The following ITGA6 variants were observed in gnomAD, a reference collection of about 807,000 sequenced individuals.
ITGA6 encodes the protein integrin alpha-6.
Under a neutral mutation model 133.6 loss-of-function variants are expected in ITGA6, and 63 were observed. The observed-to-expected ratio is 0.47, with a 90% CI of 0.38 to 0.58. The LOEUF (loss-of-function observed/expected upper bound fraction) is 0.58. Ranked by LOEUF, ITGA6 falls within the 20% of genes least tolerant of loss-of-function variation. ITGA6 has a pLI of 0.00. For missense variants in ITGA6, 1,068 were observed against 1,309.4 expected, an observed-to-expected ratio of 0.82 and a Z score of 2.85; for synonymous variants, 434 against 482.0, an observed-to-expected ratio of 0.90 and a Z score of 1.30.
chr2:172,505,140 G>C lies in ITGA6; in HGVS notation c.*1072G>C, dbSNP rs764370021. 2.0e-5 allele frequency: 3 copies of C among 152,530 alleles called. No homozygotes were observed. Among genetic ancestry groups the C allele is most frequent in the African/African-American group, 7.2e-5 (3 of 41,420 alleles). 9.4% of individuals were successfully genotyped at this position (152,530 alleles called of 1,614,324 possible). ...ACAGCCTCCACCCCACAACCCAAAAGGTTTAAGAAATAGAATTATAACTGT... is the reference window on the plus strand; with the variant it reads ...ACAGCCTCCACCCCACAACCCAAAACGTTTAAGAAATAGAATTATAACTGT... On this transcript the variant is annotated 3_prime_UTR_variant, in exon 26 of 26. Coordinates refer to ENST00000684293, the MANE Select transcript of ITGA6 (RefSeq NM_000210.4).
At chr2:172,443,243 T>G (rs1038800587) in intron 1 of ITGA6, among the ~76,000 whole-genome samples, 1 of 152,234 alleles carries the variant, frequency 6.6e-6, no homozygotes, top group African/African-American at 2.4e-5. Flanking sequence ...CTGTTCAATC[T>G]TGTAAATAAA....
intron 1 of ITGA6, among the ~76,000 whole-genome samples, chr2:172,454,810 G>A (rs567688397): frequency 6.6e-6 from 1 of 152,326 alleles, no homozygotes; most frequent in South Asian, 2.1e-4. Context: ...TAATGTGGAA[G>A]AGGGAGACTT....
intron 1 of ITGA6, among the ~76,000 whole-genome samples, chr2:172,441,129 A>G (rs543622921): frequency 4.6e-5 from 7 of 152,232 alleles, no homozygotes; most frequent in African/African-American, 1.7e-4. Flanking sequence ...GGTAATGACT[A>G]ATTTCTCCGT....
At chr2:172,427,432 G>A (rs960980792), upstream of ITGA6, 46 of 1,035,188 alleles carry the variant, frequency 4.4e-5, no homozygotes, top group Non-Finnish European at 5.2e-5. Context: ...CGTGGCTTCC[G>A]GGCAGGTACC....
chr2:172,428,722 A>C (rs1683984520), intron 1 of ITGA6: 1 of 152,086 alleles, frequency 6.6e-6, no homozygotes, highest in African/African-American at 2.4e-5. Flanking sequence ...GGTTAAAGCA[A>C]AATGTCCGAT....
chr2:172,428,890 G>A (rs1055576376), intron 1 of ITGA6, among the ~76,000 whole-genome samples: 1 of 152,236 alleles, frequency 6.6e-6, no homozygotes, highest in African/African-American at 2.4e-5. Context: ...GCCGGAGAGG[G>A]TATTTTGGCG....
intron 1 of ITGA6, among the ~76,000 whole-genome samples, chr2:172,441,901 C>T (rs191789005): frequency 3.3e-5 from 5 of 152,282 alleles, no homozygotes. Context: ...ATCCCGCCCT[C>T]ACCCCTAAGC....
At chr2:172,450,667 G>A (rs1167619986) in intron 1 of ITGA6, among the ~76,000 whole-genome samples, 2 of 151,886 alleles carry the variant, frequency 1.3e-5, no homozygotes, top group East Asian at 3.9e-4. Context: ...GTAAGATAGA[G>A]AAGGGGGCCG....
chr2:172,448,232 T>G (rs1453342863), intron 1 of ITGA6, among the ~76,000 whole-genome samples: 3 of 152,142 alleles, frequency 2.0e-5, no homozygotes, highest in South Asian at 2.1e-4. Flanking sequence ...AAGTACTTAA[T>G]AGACGTTAAT....
intron 1 of ITGA6, among the ~76,000 whole-genome samples, chr2:172,454,953 T>A (rs766707259): frequency 5.3e-5 from 8 of 152,096 alleles, no homozygotes; most frequent in African/African-American, 9.7e-5. Flanking sequence ...ACACGAGTTG[T>A]GCTGCATAAC....
chr2:172,475,795 C>T, intron 8 of ITGA6, 110 bp downstream of exon 8: 1 of 714,486 alleles, frequency 1.4e-6, no homozygotes, highest in East Asian at 2.6e-5. Context: ...TTTACAAGTC[C>T]ACAATAGTAT....
At chr2:172,470,234 G>A (rs1478207688) in intron 4 of ITGA6, among the ~76,000 whole-genome samples, 1 of 152,100 alleles carries the variant, frequency 6.6e-6, no homozygotes, top group East Asian at 1.9e-4. Context: ...CAATCTTCAA[G>A]GGTAATTTCC....
At chr2:172,501,932 T>G in intron 25 of ITGA6, 31 bp downstream of exon 25, 3 of 1,588,086 alleles carry the variant, frequency 1.9e-6, no homozygotes, top group South Asian at 2.2e-5. Flanking sequence ...AATTGCTAGC[T>G]GTGGGACCCG....
rs150995832 is a variant in ITGA6, at chr2:172,455,444, C to T, written c.183-10095C>T. 3.0e-3 allele frequency among the ~76,000 whole-genome samples: 458 copies of T among 152,328 alleles called. 2 individuals are homozygous for T. The highest frequency in any genetic ancestry group is 9.8e-3 in the African/African-American group (409 of 41,572). On this transcript the variant is annotated intron_variant, in intron 1 of 25. Coordinates refer to ENST00000684293, the MANE Select transcript of ITGA6 (RefSeq NM_000210.4). ...TAAGATGTGTGCCCTCACCAAGTTT[C>T]ATTCTAGATGCCTCTCAGCCCTGCC...
chr2:172,480,292 C>G (rs1436049190), intron 11 of ITGA6, among the ~76,000 whole-genome samples: 1 of 152,170 alleles, frequency 6.6e-6, no homozygotes, highest in Non-Finnish European at 1.5e-5. Flanking sequence ...GACAGAATGG[C>G]TTGGAAAAGT....
chr2:172,447,771 A>T (rs1165847687), intron 1 of ITGA6, among the ~76,000 whole-genome samples: 1 of 152,122 alleles, frequency 6.6e-6, no homozygotes, highest in East Asian at 1.9e-4. Context: ...CTCCTCCTCC[A>T]TTTTCCTGAT....
intron 6 of ITGA6, 48 bp from the exon 7 acceptor site, chr2:172,474,881 G>GT: frequency 1.1e-6 from 1 of 898,328 alleles, no homozygotes; most frequent in South Asian, 1.3e-5. Flanking sequence ...GGTGTTGCTG[G>GT]TATGTTAGCT....
At chr2:172,496,354 G>T (rs187496379) in intron 23 of ITGA6, among the ~76,000 whole-genome samples, 1 of 152,198 alleles carries the variant, frequency 6.6e-6, no homozygotes, top group Middle Eastern at 3.2e-3. Flanking sequence ...ATGCCTGCCT[G>T]TTACCATCAG....
rs770560239 is a variant in ITGA6 at position 172,491,120 on chromosome 2, C to T, written c.2776C>T (p.Leu926Phe). The T allele has an allele frequency of 6.7e-7, 1 of 1,488,792 alleles. No individual in the cohort carries two copies. The highest frequency in any genetic ancestry group is 9.4e-7 in the Non-Finnish European group (1 of 1,065,862). 92.2% of individuals were successfully genotyped at this position (1,488,792 alleles called of 1,614,324 possible). Residue 926 changes from leucine (L) to phenylalanine (F), a missense_variant and splice_region_variant, in exon 21 of 26, where the codon CTT (leucine) becomes TTT (phenylalanine). Leu to Phe is a conservative substitution (Grantham distance 22). This residue lies in a region of ITGA6 where 609 missense variants were observed against 707.2 expected (regional missense o/e 0.86). Transcript: ENST00000684293. This position sits in a 1 kb window ranked among gnomAD's most constrained non-coding sequence, Gnocchi z 4.4. ...SLFAERKYQT[L>F]NCSVNVNCVN... ...ATTTGCTGAAAGAAAATACCAGACT[C>T]TTGTAAGTATTTTTCAAGAGCTGTG...
Sources: allele counts gnomAD v4.1 joint callset (sites outside exome capture counted in the v4.1 genomes callset), GRCh38; gene constraint gnomAD v4.1.1; regional missense constraint gnomAD v4.1.1; non-coding constraint Gnocchi (gnomAD v3.1); transcripts MANE v1.5; gene names NCBI Gene and HGNC (gene_info 2026-07-23, HGNC 2026-07-21).